Variants in TMEM163 observed in about 807,000 individuals in gnomAD.
TMEM163 encodes the protein transmembrane protein 163.
A neutral mutation model predicts 29.3 loss-of-function variants in TMEM163; 17 were observed. The ratio of observed to expected loss-of-function variants is 0.58; its 90% confidence interval spans 0.40 to 0.87. The LOEUF (loss-of-function observed/expected upper bound fraction) is 0.87. TMEM163 is among the 40% of genes least tolerant of loss of function. The probability of loss-of-function intolerance (pLI) is 0.00; values close to 1 mark genes in which losing one functional copy is unlikely to be tolerated. For missense variants in TMEM163, 303 were observed against 381.5 expected, an observed-to-expected ratio of 0.79 and a Z score of 1.71; for synonymous variants, 157 against 160.6, an observed-to-expected ratio of 0.98 and a Z score of 0.17.
At chr2:134,552,514 G>A (rs1237590113) in intron 2 of TMEM163, among the ~76,000 whole-genome samples, 6 of 152,102 alleles carry the variant, frequency 3.9e-5, no homozygotes, top group South Asian at 2.1e-4. Flanking sequence ...AAATCTGTGG[G>A]CACCAGAGTT....
At position 134,718,968 on chromosome 2, in the gene TMEM163, G is replaced by C; in HGVS notation, c.-33C>G. On this transcript the variant is annotated 5_prime_UTR_variant, in exon 1 of 8. Transcript: ENST00000281924. ...GGCTGCGGATCCCGGCGGCGGCGACGACAAGCGCGGCGGGGACTCGAGTCA... is the reference window on the plus strand; with the variant it reads ...GGCTGCGGATCCCGGCGGCGGCGACCACAAGCGCGGCGGGGACTCGAGTCA... The C allele has an allele frequency of 2.0e-6, 2 of 1,020,546 alleles. No homozygotes were observed. The highest frequency in any genetic ancestry group is 2.3e-6 in the Non-Finnish European group (2 of 854,404). 63.2% of individuals were successfully genotyped at this position (1,020,546 alleles called of 1,614,324 possible). A position where few individuals can be genotyped will look rare whatever the true frequency, so the allele number is the denominator to read the frequency against.
intron 5 of TMEM163, among the ~76,000 whole-genome samples, chr2:134,483,417 G>T (rs1472122574): frequency 2.6e-5 from 4 of 152,098 alleles, no homozygotes; most frequent in Non-Finnish European, 1.5e-5. Context: ...CTGGTTGCCT[G>T]CTTTTGCTCC....
intron 2 of TMEM163, among the ~76,000 whole-genome samples, chr2:134,642,048 T>C (rs745535257): frequency 6.6e-6 from 1 of 152,086 alleles, no homozygotes; most frequent in Non-Finnish European, 1.5e-5. Flanking sequence ...TAAATGTATA[T>C]TTACCTAACA....
chr2:134,489,959 C>T (rs539114685), intron 5 of TMEM163, among the ~76,000 whole-genome samples: 9 of 152,216 alleles, frequency 5.9e-5, no homozygotes, highest in Admixed American at 5.2e-4. Flanking sequence ...ACCAGCTTAC[C>T]GCCTGCTACA....
chr2:134,668,625 C>CAAAAAA (rs1173331892), intron 2 of TMEM163, among the ~76,000 whole-genome samples: 1 of 114,308 alleles, frequency 8.7e-6, no homozygotes. Flanking sequence ...AACTCCGTCT[C>CAAAAAA]AAAAAAAAAA....
chr2:134,542,134 T>C (rs924331901), intron 4 of TMEM163, among the ~76,000 whole-genome samples: 19 of 152,358 alleles, frequency 1.2e-4, no homozygotes, highest in African/African-American at 4.6e-4. Flanking sequence ...TCCATGTTCT[T>C]GAAAAGCAAA....
chr2:134,658,439 T>C (rs1683670254), intron 2 of TMEM163, among the ~76,000 whole-genome samples: 1 of 152,066 alleles, frequency 6.6e-6, no homozygotes, highest in African/African-American at 2.4e-5. Context: ...AATTAAATAT[T>C]TTTCATGAGT....
chr2:134,714,326 A>G (rs1412470092), intron 1 of TMEM163, among the ~76,000 whole-genome samples: 1 of 152,248 alleles, frequency 6.6e-6, no homozygotes, highest in Non-Finnish European at 1.5e-5. Context: ...TCAGAGGTTG[A>G]GCAGCCTCAT....
intron 4 of TMEM163, among the ~76,000 whole-genome samples, chr2:134,504,457 A>C (rs80248983): frequency 5.6e-5 from 8 of 143,986 alleles, no homozygotes; most frequent in Non-Finnish European, 1.1e-4. Context: ...TCTGCAAAAA[A>C]AAATGAAACA....
chr2:134,459,527 C>G (rs72851094), intron 6 of TMEM163, among the ~76,000 whole-genome samples: 20,996 of 143,436 alleles, frequency 0.15, 1,745 homozygotes, highest in Middle Eastern at 0.24. Flanking sequence ...ACCTTCCCAT[C>G]CCCAGTGAAC....
At chr2:134,620,415 C>G (rs1276397123) in intron 2 of TMEM163, among the ~76,000 whole-genome samples, 2 of 152,124 alleles carry the variant, frequency 1.3e-5, no homozygotes, top group Non-Finnish European at 2.9e-5. Context: ...CGCCATGACC[C>G]CGGCTAATTT....
chr2:134,461,243 T>G (rs1261922548), intron 6 of TMEM163, among the ~76,000 whole-genome samples: 2 of 152,254 alleles, frequency 1.3e-5, no homozygotes, highest in African/African-American at 4.8e-5. Context: ...GCTCCACCAG[T>G]CTGGCTTTGC....
intron 2 of TMEM163, among the ~76,000 whole-genome samples, chr2:134,580,430 G>GT (rs941849825): frequency 6.6e-6 from 1 of 152,184 alleles, no homozygotes; most frequent in Non-Finnish European, 1.5e-5. Context: ...GCTATAAAGT[G>GT]TTCCTTTTGC....
chr2:134,489,143 T>C (rs1302522404), intron 5 of TMEM163, among the ~76,000 whole-genome samples: 2 of 152,194 alleles, frequency 1.3e-5, no homozygotes, highest in African/African-American at 2.4e-5. Context: ...ATGTTCATTC[T>C]AACAACACTG....
chr2:134,569,906 A>G lies in TMEM163; in HGVS notation c.323-17815T>C, dbSNP rs1215118193. 2.6e-5 allele frequency among the ~76,000 whole-genome samples: 4 copies of G among 152,302 alleles called. No individual in the cohort carries two copies. The East Asian group carries it at 5.8e-4, about 22-fold the overall frequency. ...AAATCTCACACTACCCCACTCCATT[A>G]TTCCCTAGACATAAATTATCCTTTT... On this transcript the variant is annotated intron_variant, in intron 2 of 7. Coordinates refer to ENST00000281924, the MANE Select transcript of TMEM163 (RefSeq NM_030923.5).
chr2:134,494,886 G>A (rs1444848032), intron 5 of TMEM163, among the ~76,000 whole-genome samples: 1 of 152,170 alleles, frequency 6.6e-6, no homozygotes, highest in East Asian at 1.9e-4. Flanking sequence ...TCATTCCCAT[G>A]GGTGAGGCAC....
intron 4 of TMEM163, among the ~76,000 whole-genome samples, chr2:134,507,336 CTAAATAAATAAATAAATAAATAAA>C (rs111595849): frequency 1.3e-5 from 2 of 148,946 alleles, no homozygotes; most frequent in African/African-American, 5.0e-5. Context: ...AACTCTACCT[CTAAATAAATAAATAAATAAATAAA>C]TAAATAAATA....
intron 2 of TMEM163, among the ~76,000 whole-genome samples, chr2:134,558,391 A>C (rs1482990682): frequency 6.6e-6 from 1 of 152,224 alleles, no homozygotes; most frequent in Admixed American, 6.5e-5. Flanking sequence ...CCAGAAGCAC[A>C]CACACAACAG....
intron 5 of TMEM163, among the ~76,000 whole-genome samples, chr2:134,472,846 T>C (rs1686834478): frequency 6.6e-6 from 1 of 152,210 alleles, no homozygotes; most frequent in African/African-American, 2.4e-5. Flanking sequence ...TAAAAAGATG[T>C]CAACCAATTA....
Sources: gnomAD v4.1 joint callset for allele counts (sites outside exome capture counted in the v4.1 genomes callset) on GRCh38, gnomAD v4.1.1 for gene constraint, MANE v1.5 for transcripts, NCBI Gene and HGNC (gene_info 2026-07-23, HGNC 2026-07-21) for gene names.